Variants in UBE2F observed in about 807,000 individuals in gnomAD.
UBE2F encodes ubiquitin conjugating enzyme E2 F (putative).
UBE2F carries 5 observed loss-of-function variants against 29.6 expected under a neutral mutation model. The observed-to-expected ratio is 0.17, with a 90% CI of 0.09 to 0.36. The LOEUF (loss-of-function observed/expected upper bound fraction) is 0.36, where lower values mean the gene tolerates loss of function less well. UBE2F is among the 10% of genes least tolerant of loss of function. The pLI, the probability that UBE2F is intolerant of heterozygous loss-of-function variation, is 1.00. For missense variants in UBE2F, 141 were observed against 228.5 expected, an observed-to-expected ratio of 0.62 and a Z score of 2.47; for synonymous variants, 66 against 81.8, an observed-to-expected ratio of 0.81 and a Z score of 1.04.
intron 1 of UBE2F, among the ~76,000 whole-genome samples, chr2:237,970,858 G>A (rs973530067): frequency 6.6e-6 from 1 of 152,044 alleles, no homozygotes; most frequent in African/African-American, 2.4e-5. Context: ...ACAGGCACCC[G>A]CCACCATGCC....
At chr2:237,992,588 C>T (rs374598044) in intron 3 of UBE2F, among the ~76,000 whole-genome samples, 50 of 152,306 alleles carry the variant, frequency 3.3e-4, no homozygotes, top group African/African-American at 1.2e-3. Context: ...CTTGTATATA[C>T]AGGTGTCCCA....
chr2:238,006,587 T>C (rs1018565416), intron 4 of UBE2F, among the ~76,000 whole-genome samples: 3 of 152,178 alleles, frequency 2.0e-5, no homozygotes, highest in African/African-American at 7.2e-5. Context: ...CTGTAGACTT[T>C]CCTATGTAAA....
chr2:238,040,746 AG>A lies in UBE2F; in HGVS notation c.508-540del, dbSNP rs1164464474. On this transcript the variant is annotated intron_variant, in intron 9 of 9. Transcript: ENST00000272930. This position sits in a 1 kb window ranked among gnomAD's most constrained non-coding sequence, Gnocchi z 4.4. ...CTGTCCACCTTCATTTCAATGCATG[AG>A]GATGGAGCTCTGTGGCACACCCAGC... Among the ~76,000 whole-genome samples the A allele has an allele frequency of 2.0e-5, 3 of 152,168 alleles. No individual in the cohort carries two copies. The South Asian group carries it at 6.2e-4, about 32-fold the overall frequency.
Position 238,030,603 on chromosome 2 carries a change from G to A in UBE2F, c.401G>A (p.Arg134Lys). 1 of 1,613,390 alleles carries A rather than the reference G, an allele frequency of 6.2e-7. No individual in the cohort carries two copies. The highest frequency in any genetic ancestry group is 2.2e-5 in the East Asian group (1 of 44,866). ...GATGGCACTGGCTGGGCTCCCACAA[G>A]AACATTAAAGGTAGAGTCTGTGCCT... ...SIDGTGWAPT[R>K]TLKDVVWGLN... The change falls in exon 7 of 10, where the codon AGA (arginine) becomes AAA (lysine). Residue 134 changes from arginine to lysine, a missense_variant. Arg to Lys is a conservative substitution (Grantham distance 26). Coordinates refer to ENST00000272930, the MANE Select transcript of UBE2F (RefSeq NM_080678.3).
At chr2:238,025,195 G>C in intron 5 of UBE2F, 147 bp from the exon 6 acceptor site, 1 of 681,624 alleles carries the variant, frequency 1.5e-6, no homozygotes, top group South Asian at 1.6e-5. Context: ...CAGTATTCAG[G>C]GTTGAACACG....
rs931703841 is a variant in UBE2F at position 238,041,829 on chromosome 2, T to G, written c.*491T>G. The G allele has an allele frequency of 1.3e-5, 2 of 154,176 alleles. No homozygotes were observed. The highest frequency in any genetic ancestry group is 4.8e-5 in the African/African-American group (2 of 41,508). The allele number at this position is 154,176 out of a possible 1,614,324, so 9.6% of individuals were successfully genotyped here. A position where few individuals can be genotyped will look rare whatever the true frequency, so the allele number is the denominator to read the frequency against. The stretch of plus-strand genomic sequence containing the variant: ...GAATGTTGGCCCTGCCTAGATGTTG[T>G]GAAGCCTCCCAGAATGCATAGAGTC... On this transcript the variant is annotated 3_prime_UTR_variant, in exon 10 of 10. Coordinates refer to ENST00000272930, the MANE Select transcript of UBE2F (RefSeq NM_080678.3).
At chr2:237,991,187 C>T (rs1487694510) in intron 3 of UBE2F, among the ~76,000 whole-genome samples, 1 of 152,176 alleles carries the variant, frequency 6.6e-6, no homozygotes, top group African/African-American at 2.4e-5. Context: ...TTTCTCCCTA[C>T]CTTCTCTCCT....
At chr2:237,974,501 G>GTTT in intron 2 of UBE2F, among the ~76,000 whole-genome samples, 1 of 108,582 alleles carries the variant, frequency 9.2e-6, no homozygotes, top group Non-Finnish European at 1.7e-5. Flanking sequence ...AATTTTTGTG[G>GTTT]TTTTTTTTTT....
chr2:238,032,378 T>G (rs1319083488), intron 8 of UBE2F, 124 bp downstream of exon 8: 8 of 828,238 alleles, frequency 9.7e-6, no homozygotes, highest in Non-Finnish European at 1.6e-5. Context: ...CTGGGCACAG[T>G]GGCTCACGCC....
intron 2 of UBE2F, among the ~76,000 whole-genome samples, chr2:237,984,078 A>T (rs1384308078): frequency 1.6e-5 from 2 of 127,612 alleles, no homozygotes; most frequent in Non-Finnish European, 3.4e-5. Context: ...TCCTCTTCCT[A>T]CCCCTCCCCT....
intron 2 of UBE2F, among the ~76,000 whole-genome samples, chr2:237,976,749 C>T (rs534203341): frequency 7.2e-5 from 11 of 152,286 alleles, no homozygotes; most frequent in African/African-American, 2.6e-4. Context: ...GGGGATTAAG[C>T]TTCAGCATGA....
intron 2 of UBE2F, among the ~76,000 whole-genome samples, chr2:237,974,529 T>TC (rs2063239422): frequency 6.9e-6 from 1 of 145,358 alleles, no homozygotes; most frequent in South Asian, 2.2e-4. Context: ...TTTTTTTTTT[T>TC]TTGAGATGGA....
intron 2 of UBE2F, among the ~76,000 whole-genome samples, chr2:237,976,672 A>C (rs2063287502): frequency 6.6e-6 from 1 of 152,172 alleles, no homozygotes; most frequent in South Asian, 2.1e-4. Context: ...GCCCTGATCC[A>C]TTTATGCGGC....
intron 4 of UBE2F, chr2:238,003,247 A>G (rs375377348): frequency 1.1e-5 from 4 of 361,422 alleles, no homozygotes; most frequent in Non-Finnish European, 2.3e-5. Context: ...ACAGATGCCA[A>G]TTTTCTTGCG....
chr2:237,997,187 A>G (rs892404823), intron 4 of UBE2F, among the ~76,000 whole-genome samples: 1 of 152,202 alleles, frequency 6.6e-6, no homozygotes, highest in African/African-American at 2.4e-5. Context: ...AGATTGGCCC[A>G]GTGCACTCCA....
intron 2 of UBE2F, among the ~76,000 whole-genome samples, chr2:237,977,665 C>T (rs1223904282): frequency 1.3e-5 from 2 of 152,056 alleles, no homozygotes; most frequent in African/African-American, 4.8e-5. Flanking sequence ...GTGGAGGCTG[C>T]TGTGGCTGTT....
At chr2:238,022,712 G>A (rs1236290877) in intron 5 of UBE2F, among the ~76,000 whole-genome samples, 1 of 152,272 alleles carries the variant, frequency 6.6e-6, no homozygotes, top group East Asian at 1.9e-4. Flanking sequence ...GTTCTCTGTT[G>A]GTTTGAGAGG....
intron 4 of UBE2F, among the ~76,000 whole-genome samples, chr2:237,998,465 T>A (rs2063729915): frequency 6.6e-6 from 1 of 152,206 alleles, no homozygotes; most frequent in Non-Finnish European, 1.5e-5. Context: ...AATTTACACA[T>A]GTTGTGTGAA....
At position 238,041,212 on chromosome 2, in the gene UBE2F, G is replaced by T; in HGVS notation, c.508-76G>T. The T allele has an allele frequency of 2.1e-6, 3 of 1,426,582 alleles. No homozygotes were observed. The South Asian group carries it at 3.5e-5, about 17-fold the overall frequency. 88.4% of individuals were successfully genotyped at this position (1,426,582 alleles called of 1,614,324 possible). ...ACCTTGGTGCTGGTGGATCTGACTT[G>T]TCCCTGAAGCGCTGCTTCACTCACT... is the stretch of plus-strand genomic sequence containing the variant. On this transcript the variant is annotated intron_variant, in intron 9 of 9. Coordinates refer to ENST00000272930, the MANE Select transcript of UBE2F (RefSeq NM_080678.3).
Sources: allele counts gnomAD v4.1 joint callset (sites outside exome capture counted in the v4.1 genomes callset), GRCh38; gene constraint gnomAD v4.1.1; non-coding constraint Gnocchi (gnomAD v3.1); transcripts MANE v1.5; gene names NCBI Gene and HGNC (gene_info 2026-07-23, HGNC 2026-07-21).